PLCB4: variants seen among roughly 807,000 people sequenced by gnomAD.
PLCB4 encodes the protein 1-phosphatidylinositol 4,5-bisphosphate phosphodiesterase beta-4.
A neutral mutation model predicts 178.8 loss-of-function variants in PLCB4; 77 were observed. That is an observed-to-expected ratio of 0.43 (90% confidence interval 0.36 to 0.52). PLCB4 has a LOEUF of 0.52. Among genes scored for constraint, PLCB4 ranks in the 20% least tolerant of loss-of-function variants. PLCB4 has a pLI of 0.00. For missense variants in PLCB4, 1,024 were observed against 1,453.4 expected, an observed-to-expected ratio of 0.70 and a Z score of 4.80; for synonymous variants, 496 against 490.8, an observed-to-expected ratio of 1.01 and a Z score of -0.14.
chr20:9,480,726 T>C lies in PLCB4; in HGVS notation c.*1717T>C, dbSNP rs990709790. On this transcript the variant is annotated 3_prime_UTR_variant, in exon 40 of 40. Coordinates refer to ENST00000378473, the MANE Select transcript of PLCB4 (RefSeq NM_001377142.1). ...CTTAGTTTCCTTATCTGTAAAACAGTGGAGTTAGACTACATATCTTTTGGC... is the reference window on the plus strand; with the variant it reads ...CTTAGTTTCCTTATCTGTAAAACAGCGGAGTTAGACTACATATCTTTTGGC... 5 of 152,202 alleles carry C rather than the reference T, an allele frequency of 3.3e-5. No homozygotes were observed. Among genetic ancestry groups the C allele is most frequent in the Admixed American group, 6.5e-5 (1 of 15,282 alleles). The allele number at this position is 152,202 out of a possible 1,614,324, so 9.4% of individuals were successfully genotyped here.
At chr20:9,321,726 C>G (rs2094960398) in intron 4 of PLCB4, among the ~76,000 whole-genome samples, 1 of 152,052 alleles carries the variant, frequency 6.6e-6, no homozygotes, top group African/African-American at 2.4e-5. Flanking sequence ...CTCTGCCCCC[C>G]AAGTTCAAGC....
intron 2 of PLCB4, among the ~76,000 whole-genome samples, chr20:9,207,875 AAAACAC>A (rs2147224012): frequency 6.6e-6 from 1 of 152,382 alleles, no homozygotes; most frequent in East Asian, 1.9e-4. Flanking sequence ...CTTTCAAAAT[AAAACAC>A]AGGGGTAGAG....
intron 32 of PLCB4, 80 bp from the exon 33 acceptor site, chr20:9,453,267 C>A: frequency 1.3e-6 from 1 of 780,244 alleles, no homozygotes; most frequent in Non-Finnish European, 2.2e-6. Context: ...TCTAGGGAAG[C>A]TGGTGAAAGT....
In PLCB4 at chr20:9,216,363, G is replaced by A. The variant is rs1259992256; in HGVS notation, c.-78-1027G>A. Among the ~76,000 whole-genome samples, 5 of 151,302 alleles carry A rather than the reference G, an allele frequency of 3.3e-5. 1 individual carries two copies. In the East Asian group the frequency reaches 5.9e-4, roughly 18 times the overall value. ...CTCCCGAGTAGCTGGGACTACAGGC[G>A]CCTGCCACCATGCCCGGCTAATTTT... is the stretch of plus-strand genomic sequence containing the variant. On this transcript the variant is annotated intron_variant, in intron 2 of 39. Coordinates refer to ENST00000378473, the MANE Select transcript of PLCB4 (RefSeq NM_001377142.1).
chr20:9,453,149 AC>A (rs899395603), intron 32 of PLCB4, among the ~76,000 whole-genome samples, 197 bp from the exon 33 acceptor site: 1 of 152,052 alleles, frequency 6.6e-6, no homozygotes, highest in Non-Finnish European at 1.5e-5. Context: ...GAGGCTAGAG[AC>A]TCCCATGTTG....
chr20:9,330,809 G>A (rs547740989), intron 4 of PLCB4, among the ~76,000 whole-genome samples: 9 of 152,290 alleles, frequency 5.9e-5, no homozygotes, highest in African/African-American at 1.9e-4. Flanking sequence ...CGGTAAATCC[G>A]TTGGACAATG....
intron 25 of PLCB4, among the ~76,000 whole-genome samples, chr20:9,416,725 A>G (rs1243196580): frequency 6.6e-6 from 1 of 152,186 alleles, no homozygotes; most frequent in East Asian, 1.9e-4. Flanking sequence ...TTTTATATTA[A>G]TATTGTGGGT....
At chr20:9,289,063 CTTA>C (rs1174904917) in intron 3 of PLCB4, among the ~76,000 whole-genome samples, 1 of 152,066 alleles carries the variant, frequency 6.6e-6, no homozygotes, top group Non-Finnish European at 1.5e-5. Flanking sequence ...CTCAATTTAA[CTTA>C]TTATCCATGC....
At chr20:9,474,326 C>T (rs948752119) in intron 38 of PLCB4, among the ~76,000 whole-genome samples, 1 of 152,172 alleles carries the variant, frequency 6.6e-6, no homozygotes, top group Non-Finnish European at 1.5e-5. Flanking sequence ...CAGGTGGGCA[C>T]CTTTCCAAAT....
intron 2 of PLCB4, among the ~76,000 whole-genome samples, chr20:9,105,110 T>C (rs1036743528): frequency 6.6e-6 from 1 of 152,128 alleles, no homozygotes; most frequent in Non-Finnish European, 1.5e-5. Context: ...CCTAAAAAGC[T>C]ATTAGAAGTA....
chr20:9,470,839 C>G (rs983157721), intron 36 of PLCB4, among the ~76,000 whole-genome samples: 2 of 152,178 alleles, frequency 1.3e-5, no homozygotes, highest in African/African-American at 4.8e-5. Context: ...ACTCTGCTAT[C>G]TCTTATAAGT....
At chr20:9,131,321 C>T (rs1240163707) in intron 2 of PLCB4, among the ~76,000 whole-genome samples, 1 of 151,942 alleles carries the variant, frequency 6.6e-6, no homozygotes, top group Non-Finnish European at 1.5e-5. Context: ...CTTTTCCTCC[C>T]TCCTTCTGAA....
At chr20:9,084,619 G>C (rs1245186239) in intron 1 of PLCB4, among the ~76,000 whole-genome samples, 1 of 151,986 alleles carries the variant, frequency 6.6e-6, no homozygotes, top group Admixed American at 6.6e-5. Context: ...CAATGGAGGT[G>C]CTATGAATGA....
At chr20:9,249,657 T>G (rs2094159874) in intron 3 of PLCB4, among the ~76,000 whole-genome samples, 1 of 152,154 alleles carries the variant, frequency 6.6e-6, no homozygotes, top group South Asian at 2.1e-4. Flanking sequence ...CCTAACATAG[T>G]CACAGGCTCT....
At chr20:9,337,883 T>A (rs1413453783) in intron 5 of PLCB4, 125 bp from the exon 6 acceptor site, 11 of 621,384 alleles carry the variant, frequency 1.8e-5, no homozygotes, top group Non-Finnish European at 3.2e-5. Flanking sequence ...TGGTTTTAAT[T>A]CCCTCTTCAA....
intron 2 of PLCB4, among the ~76,000 whole-genome samples, chr20:9,173,051 A>G (rs1330463768): frequency 6.6e-6 from 1 of 152,194 alleles, no homozygotes; most frequent in Non-Finnish European, 1.5e-5. Context: ...ATGATGAACT[A>G]TGCTTTGCTT....
chr20:9,364,016 A>G (rs1335317521), intron 8 of PLCB4, among the ~76,000 whole-genome samples: 4 of 152,228 alleles, frequency 2.6e-5, no homozygotes, highest in Admixed American at 6.5e-5. Context: ...TGTGAATCAA[A>G]ATTACCATGC....
rs191106625 is a variant in PLCB4 at position 9,383,834 on chromosome 20, T to C, written c.854-367T>C. On this transcript the variant is annotated intron_variant, in intron 13 of 39. Transcript: ENST00000378473. ...AGATAGGTCCAGTCTTTTTCCCCAATTGACAGAAGAAGAAGCTGAGATCTA... is the reference window on the plus strand; with the variant it reads ...AGATAGGTCCAGTCTTTTTCCCCAACTGACAGAAGAAGAAGCTGAGATCTA... 1.2e-4 allele frequency among the ~76,000 whole-genome samples: 18 copies of C among 152,274 alleles called. No homozygotes were observed. The East Asian group carries it at 2.7e-3, about 23-fold the overall frequency.
At position 9,157,016 on chromosome 20, in the gene PLCB4, C is replaced by T. The variant is rs1015820175; in HGVS notation, c.-78-60374C>T. 2.0e-5 allele frequency among the ~76,000 whole-genome samples: 3 copies of T among 151,856 alleles called. No homozygotes were observed. The South Asian group carries it at 6.3e-4, about 32-fold the overall frequency. ...GGCTGGACCTCACGGATCACTAGTC[C>T]ATGTCACTGCACAATGTTCTTCCTC... On this transcript the variant is annotated intron_variant, in intron 2 of 39. Coordinates refer to ENST00000378473, the MANE Select transcript of PLCB4 (RefSeq NM_001377142.1).
Sources: gnomAD v4.1 joint callset for allele counts (sites outside exome capture counted in the v4.1 genomes callset) on GRCh38, gnomAD v4.1.1 for gene constraint, MANE v1.5 for transcripts, NCBI Gene and HGNC (gene_info 2026-07-23, HGNC 2026-07-21) for gene names.